The following PID1 variants were observed in gnomAD, a reference collection of about 807,000 sequenced individuals.
The protein encoded by PID1 is phosphotyrosine interaction domain containing 1.
Under a neutral mutation model 19.1 loss-of-function variants are expected in PID1, and 10 were observed. The ratio of observed to expected loss-of-function variants is 0.52; its 90% CI spans 0.32 to 0.89. The LOEUF (loss-of-function observed/expected upper bound fraction) is 0.89. Among genes scored for constraint, PID1 ranks in the 40% least tolerant of loss-of-function variants. PID1 has a pLI of 0.03. For missense variants in PID1, 248 were observed against 285.3 expected, an observed-to-expected ratio of 0.87 and a Z score of 0.94; for synonymous variants, 130 against 116.0, an observed-to-expected ratio of 1.12 and a Z score of -0.78.
intron 2 of PID1, among the ~76,000 whole-genome samples, chr2:229,050,278 G>A (rs1693968096): frequency 6.6e-6 from 1 of 152,090 alleles, no homozygotes; most frequent in South Asian, 2.1e-4. Context: ...ATATCACAAT[G>A]CAAAATGAGG....
chr2:229,034,250 G>T (rs1304880101), intron 2 of PID1, among the ~76,000 whole-genome samples: 1 of 152,106 alleles, frequency 6.6e-6, no homozygotes, highest in African/African-American at 2.4e-5. Flanking sequence ...CCAATTCCTG[G>T]TTCCTGGGAA....
intron 2 of PID1, among the ~76,000 whole-genome samples, chr2:229,083,313 G>A (rs774063715): frequency 1.0e-3 from 153 of 152,256 alleles, no homozygotes; most frequent in Non-Finnish European, 6.9e-4. Flanking sequence ...GCACACCTAG[G>A]CCAAGAGTGC....
At chr2:229,259,787 G>T (rs947931818) in intron 1 of PID1, among the ~76,000 whole-genome samples, 9 of 152,124 alleles carry the variant, frequency 5.9e-5, no homozygotes, top group African/African-American at 2.2e-4. Flanking sequence ...TGAAACCTTT[G>T]GGGAGGTCAT....
At chr2:229,182,619 C>T (rs536808941) in intron 1 of PID1, among the ~76,000 whole-genome samples, 35 of 152,278 alleles carry the variant, frequency 2.3e-4, no homozygotes, top group Non-Finnish European at 4.3e-4. Context: ...CCATCTGTTC[C>T]CTGTGACTCG....
intron 1 of PID1, among the ~76,000 whole-genome samples, chr2:229,241,267 T>C (rs370192266): frequency 5.3e-5 from 8 of 152,274 alleles, no homozygotes; most frequent in Middle Eastern, 3.4e-3. Flanking sequence ...ACACTGACCA[T>C]AGTGGATGAC....
chr2:229,255,439 G>A (rs1294886673), intron 1 of PID1, among the ~76,000 whole-genome samples: 1 of 152,168 alleles, frequency 6.6e-6, no homozygotes, highest in African/African-American at 2.4e-5. Flanking sequence ...TGGTGGGAAC[G>A]GAGATTCTCT....
chr2:229,140,703 A>G (rs1441395838), intron 2 of PID1, among the ~76,000 whole-genome samples: 2 of 152,176 alleles, frequency 1.3e-5, no homozygotes, highest in Admixed American at 1.3e-4. Context: ...GAAATCCATC[A>G]TAATAACAAG....
At chr2:229,038,731 A>G (rs997252935) in intron 2 of PID1, among the ~76,000 whole-genome samples, 1 of 152,214 alleles carries the variant, frequency 6.6e-6, no homozygotes, top group African/African-American at 2.4e-5. Flanking sequence ...AGGGTAGACA[A>G]TAAATGATTA....
At chr2:229,237,530 T>C (rs1689741408) in intron 1 of PID1, among the ~76,000 whole-genome samples, 1 of 152,194 alleles carries the variant, frequency 6.6e-6, no homozygotes, top group Non-Finnish European at 1.5e-5. Flanking sequence ...AAAAAAGGTT[T>C]TTTAATCTCT....
At chr2:229,141,055 C>G (rs1326948319) in intron 2 of PID1, among the ~76,000 whole-genome samples, 1 of 149,570 alleles carries the variant, frequency 6.7e-6, no homozygotes, top group Non-Finnish European at 1.5e-5. Context: ...ACTCTAGTAT[C>G]TATGTGGCAG....
intron 2 of PID1, among the ~76,000 whole-genome samples, chr2:229,041,937 G>A (rs183342543): frequency 1.6e-3 from 237 of 152,160 alleles, no homozygotes; most frequent in Admixed American, 3.8e-3. Flanking sequence ...ATCAGTTCCC[G>A]GGCACTCATT....
At chr2:229,091,289 T>A (rs1052048717) in intron 2 of PID1, among the ~76,000 whole-genome samples, 1 of 151,416 alleles carries the variant, frequency 6.6e-6, no homozygotes, top group Non-Finnish European at 1.5e-5. Flanking sequence ...TTCAAAGCAA[T>A]GGGTTTAGAC....
chr2:229,195,748 T>C (rs1691365443), intron 1 of PID1, among the ~76,000 whole-genome samples: 1 of 152,044 alleles, frequency 6.6e-6, no homozygotes, highest in African/African-American at 2.4e-5. Context: ...CCCCTTCTTA[T>C]GGGTTGTAAG....
At chr2:229,115,980 G>A (rs960873340) in intron 2 of PID1, among the ~76,000 whole-genome samples, 1 of 152,016 alleles carries the variant, frequency 6.6e-6, no homozygotes, top group Non-Finnish European at 1.5e-5. Context: ...CAGCACTTTG[G>A]GAGGCCGAAG....
chr2:229,082,856 A>G lies in PID1; in HGVS notation c.178-56748T>C, dbSNP rs111948399. Among the ~76,000 whole-genome samples, 680 of 152,300 alleles carry G rather than the reference A, an allele frequency of 4.5e-3. 4 individuals are homozygous for G. Among genetic ancestry groups the G allele is most frequent in the African/African-American group, 0.016 (646 of 41,568 alleles). ...CCAGTAAAGCCCACCAGAACTTCTGACCTATAGGACTGTGAGATAACCAAT... is the reference window on the plus strand; with the variant it reads ...CCAGTAAAGCCCACCAGAACTTCTGGCCTATAGGACTGTGAGATAACCAAT... On this transcript the variant is annotated intron_variant, in intron 2 of 2. Coordinates refer to ENST00000392055, the MANE Select transcript of PID1 (RefSeq NM_001100818.2).
intron 2 of PID1, among the ~76,000 whole-genome samples, chr2:229,103,963 G>C (rs746695308): frequency 2.6e-5 from 4 of 152,204 alleles, no homozygotes; most frequent in Non-Finnish European, 5.9e-5. Context: ...GATCATCAAA[G>C]AAAACAAGAT....
intron 1 of PID1, among the ~76,000 whole-genome samples, chr2:229,237,271 G>T (rs1689731548): frequency 6.6e-6 from 1 of 152,110 alleles, no homozygotes; most frequent in African/African-American, 2.4e-5. Context: ...ACCAACACCT[G>T]TCAGTGTTGT....
chr2:229,154,148 T>C (rs1360620459), intron 2 of PID1, among the ~76,000 whole-genome samples: 1 of 152,180 alleles, frequency 6.6e-6, no homozygotes, highest in Non-Finnish European at 1.5e-5. Flanking sequence ...AGAATTACCA[T>C]TTAAAATCAC....
intron 2 of PID1, among the ~76,000 whole-genome samples, chr2:229,076,440 A>G (rs546028842): frequency 1.3e-5 from 2 of 152,158 alleles, no homozygotes; most frequent in African/African-American, 2.4e-5. Context: ...ACTGTGCAGA[A>G]CGAGCAGTTT....
Sources: allele counts gnomAD v4.1 joint callset (sites outside exome capture counted in the v4.1 genomes callset), GRCh38; gene constraint gnomAD v4.1.1; transcripts MANE v1.5; gene names NCBI Gene and HGNC (gene_info 2026-07-23, HGNC 2026-07-21).